Variants in MLX observed in about 807,000 individuals in gnomAD.
The protein encoded by MLX is MAX dimerization protein MLX, also known as max-like protein X.
In MLX, 15 loss-of-function variants were observed where a neutral mutation model predicts 33.0. The ratio of observed to expected loss-of-function variants is 0.45; its 90% CI spans 0.30 to 0.70. MLX has a LOEUF of 0.70. Ranked by LOEUF, MLX falls within the 30% of genes least tolerant of loss-of-function variation. The probability of loss-of-function intolerance (pLI) is 0.07; values close to 1 mark genes in which losing one functional copy is unlikely to be tolerated. For synonymous variants in MLX, 115 were observed against 115.6 expected (o/e 0.99, Z 0.03); for missense variants, 285 against 306.3 (o/e 0.93, Z 0.52).
intron 7 of MLX, among the ~76,000 whole-genome samples, chr17:42,571,297 C>T (rs560862314): frequency 1.3e-5 from 2 of 152,172 alleles, no homozygotes; most frequent in East Asian, 3.9e-4. Flanking sequence ...GCCACCACAC[C>T]TAATTTTTGT....
In MLX at chr17:42,567,171, G is replaced by A; in HGVS notation, c.42+5G>A. 1 of 1,295,406 alleles carries A rather than the reference G, an allele frequency of 7.7e-7. No individual in the cohort carries two copies. Among genetic ancestry groups the A allele is most frequent in the Non-Finnish European group, 9.8e-7 (1 of 1,020,792 alleles). The allele number at this position is 1,295,406 out of a possible 1,614,324, so 80.2% of individuals were successfully genotyped here. ...CCCGAGGACCCTTGGGTCAAGGCAA[G>A]CCCCGTGGGCGCGCACGCCGGCGAG... On this transcript the variant is annotated splice_donor_5th_base_variant and intron_variant, in intron 1 of 7. Transcript: ENST00000435881.
intron 7 of MLX, among the ~76,000 whole-genome samples, chr17:42,570,876 C>A (rs573118535): frequency 2.6e-4 from 39 of 152,004 alleles, no homozygotes; most frequent in African/African-American, 9.4e-4. Context: ...AGGATGGTCT[C>A]GATCTCCTGA....
Position 42,572,853 on chromosome 17 carries a change from A to T in MLX, c.*1250A>T. On this transcript the variant is annotated 3_prime_UTR_variant, in exon 8 of 8. Transcript: ENST00000435881. ...TGCTTGTCTCCTGACTGCTCTGCTT[A>T]AAGGTGAAAGTAGCAGGAACAACAA... 1.6e-6 allele frequency: 2 copies of T among 1,253,482 alleles called. No homozygotes were observed. Among genetic ancestry groups the T allele is most frequent in the Non-Finnish European group, 2.3e-6 (2 of 860,780 alleles). The allele number at this position is 1,253,482 out of a possible 1,614,324, so 77.6% of individuals were successfully genotyped here.
chr17:42,570,070 C>G lies in MLX; in HGVS notation c.565C>G (p.Gln189Glu), dbSNP rs761350836. 4.3e-6 allele frequency: 7 copies of G among 1,614,064 alleles called. No homozygotes were observed. Among genetic ancestry groups the G allele is most frequent in the Admixed American group, 1.7e-5 (1 of 60,000 alleles). ...TGACCAGGTCAAGTTCAACGTGTTT[C>G]AAGGCATCATGGATTCCCTGTTCCA... ...VSDQVKFNVF[Q>E]GIMDSLFQSF... The change falls in exon 7 of 8, where the codon CAA (glutamine) becomes GAA (glutamate). Residue 189 changes from glutamine (Q) to glutamate (E), a missense_variant. By Grantham distance (29) the Gln-to-Glu change is conservative. Coordinates refer to ENST00000435881, the MANE Select transcript of MLX (RefSeq NM_198204.2).
Position 42,569,616 on chromosome 17 carries a change from G to A in MLX, c.476+10G>A. 6.2e-7 allele frequency: 1 copy of A among 1,607,862 alleles called. No individual in the cohort carries two copies. ...TAAAGATCATGAAAGTGTAAGAGGG[G>A]TGCTGAATGGGGGGAACCAGAACTT... On this transcript the variant is annotated intron_variant, in intron 6 of 7. Transcript: ENST00000435881.
In MLX at chr17:42,572,825, T is replaced by G. The variant is rs2093042871; in HGVS notation, c.*1222T>G. The stretch of plus-strand genomic sequence containing the variant: ...CATCCTCTCTACCCAGTGCTCTGGT[T>G]TATGCTTGTCTCCTGACTGCTCTGC... On this transcript the variant is annotated 3_prime_UTR_variant, in exon 8 of 8. Transcript: ENST00000435881. The G allele has an allele frequency of 4.0e-6, 4 of 1,001,050 alleles. No individual in the cohort carries two copies. The East Asian group carries it at 1.0e-4, about 25-fold the overall frequency. 62.0% of individuals were successfully genotyped at this position (1,001,050 alleles called of 1,614,324 possible).
intron 6 of MLX, 94 bp from the exon 7 acceptor site, chr17:42,569,888 C>A: frequency 8.2e-7 from 1 of 1,219,158 alleles, no homozygotes; most frequent in Non-Finnish European, 1.2e-6. Flanking sequence ...CTCTCTGGGG[C>A]TGCCATTCCT....
intron 5 of MLX, 58 bp downstream of exon 5, chr17:42,569,361 G>A: frequency 6.4e-7 from 1 of 1,562,002 alleles, no homozygotes; most frequent in South Asian, 1.1e-5. Context: ...GAAGAGGCCA[G>A]TGCCTCCTAC....
chr17:42,568,763 C>A (rs2093019276), intron 3 of MLX, 74 bp from the exon 4 acceptor site: 6 of 1,346,674 alleles, frequency 4.5e-6, no homozygotes, highest in Admixed American at 1.9e-5. Flanking sequence ...TTCTTCCCAG[C>A]TGGGGAAAGG....
rs527728161 is a variant in MLX, at chr17:42,571,756, C to A, written c.*153C>A. ...TTGGTTTTTCCCAGCCCCATTTTAT[C>A]TTCAGCGGAGCCGCGGTGTTTGTTT... On this transcript the variant is annotated 3_prime_UTR_variant, in exon 8 of 8. Coordinates refer to ENST00000435881, the MANE Select transcript of MLX (RefSeq NM_198204.2). 3 of 721,446 alleles carry A rather than the reference C, an allele frequency of 4.2e-6. No homozygotes were observed. Among genetic ancestry groups the A allele is most frequent in the South Asian group, 1.6e-5 (1 of 62,946 alleles). 44.7% of individuals were successfully genotyped at this position (721,446 alleles called of 1,614,324 possible). A position where few individuals can be genotyped will look rare whatever the true frequency, so the allele number is the denominator to read the frequency against.
chr17:42,568,385 G>T, intron 2 of MLX, 85 bp from the exon 3 acceptor site: 2 of 875,992 alleles, frequency 2.3e-6, no homozygotes, highest in South Asian at 1.5e-5. Flanking sequence ...ATAAATAAAA[G>T]AAAGCCATTG....
At chr17:42,567,543 G>A (rs545698762) in intron 1 of MLX, 76 bp from the exon 2 acceptor site, 3 of 1,606,610 alleles carry the variant, frequency 1.9e-6, no homozygotes, top group South Asian at 1.1e-5. Flanking sequence ...GGCGCGCTGT[G>A]CGTGCCTGCA....
chr17:42,572,590 A>G lies in MLX; in HGVS notation c.*987A>G, dbSNP rs2093040505. ...TTTTATAGCAACCTCTCTCTACCCTAGTTCTCCAAATTCACTTCTGCCTTC... is the reference window on the plus strand; with the variant it reads ...TTTTATAGCAACCTCTCTCTACCCTGGTTCTCCAAATTCACTTCTGCCTTC... On this transcript the variant is annotated 3_prime_UTR_variant, in exon 8 of 8. Transcript: ENST00000435881. 2.2e-6 allele frequency: 1 copy of G among 452,826 alleles called. No homozygotes were observed. 28.1% of individuals were successfully genotyped at this position (452,826 alleles called of 1,614,324 possible).
At chr17:42,567,693 T>C (rs1463434495) in intron 2 of MLX, 38 bp downstream of exon 2, 7 of 1,613,456 alleles carry the variant, frequency 4.3e-6, no homozygotes, top group Non-Finnish European at 5.9e-6. Flanking sequence ...AGAGGGACAC[T>C]CCCGCCCAGG....
At chr17:42,569,373 C>T in intron 5 of MLX, 70 bp downstream of exon 5, 1 of 1,539,760 alleles carries the variant, frequency 6.5e-7, no homozygotes, top group Non-Finnish European at 9.0e-7. Context: ...GCCTCCTACC[C>T]ACCCATGGCT....
Position 42,572,700 on chromosome 17 carries a change from A to G in MLX, c.*1097A>G, listed in dbSNP as rs1186402158. 3 of 536,260 alleles carry G rather than the reference A, an allele frequency of 5.6e-6. No individual in the cohort carries two copies. The highest frequency in any genetic ancestry group is 7.1e-6 in the Non-Finnish European group (2 of 283,144). The allele number at this position is 536,260 out of a possible 1,614,324, so 33.2% of individuals were successfully genotyped here. The stretch of plus-strand genomic sequence containing the variant: ...AATTAAATTATAATAAATATTGCCA[A>G]ATGCTTTCCTTTAGCATTGTTCCAA... On this transcript the variant is annotated 3_prime_UTR_variant, in exon 8 of 8. Coordinates refer to ENST00000435881, the MANE Select transcript of MLX (RefSeq NM_198204.2).
At chr17:42,569,786 CT>C in intron 6 of MLX, 180 bp downstream of exon 6, 1 of 714,704 alleles carries the variant, frequency 1.4e-6, no homozygotes. Context: ...CAGGAAATGC[CT>C]GTTGGATTAA....
At position 42,572,227 on chromosome 17, in the gene MLX, C is replaced by T; in HGVS notation, c.*624C>T. On this transcript the variant is annotated 3_prime_UTR_variant, in exon 8 of 8. Transcript: ENST00000435881. ...TCACCCCATATTCCATCACCTTCCT[C>T]CTCTGCTCTGGGTGGTAAGGGAAGC... 2.6e-6 allele frequency: 1 copy of T among 381,726 alleles called. No homozygotes were observed. The highest frequency in any genetic ancestry group is 2.0e-5 in the South Asian group (1 of 50,648). The allele number at this position is 381,726 out of a possible 1,614,324, so 23.6% of individuals were successfully genotyped here.
Position 42,572,710 on chromosome 17 carries a change from T to A in MLX, c.*1107T>A. The stretch of plus-strand genomic sequence containing the variant: ...TAATAAATATTGCCAAATGCTTTCC[T>A]TTAGCATTGTTCCAAGTCTAAATGT... On this transcript the variant is annotated 3_prime_UTR_variant, in exon 8 of 8. Transcript: ENST00000435881. The A allele has an allele frequency of 1.7e-6, 1 of 583,976 alleles. No individual in the cohort carries two copies. The highest frequency in any genetic ancestry group is 3.2e-6 in the Non-Finnish European group (1 of 312,212). 36.2% of individuals were successfully genotyped at this position (583,976 alleles called of 1,614,324 possible). A position where few individuals can be genotyped will look rare whatever the true frequency, so the allele number is the denominator to read the frequency against.
Sources: gnomAD v4.1 joint callset for allele counts (sites outside exome capture counted in the v4.1 genomes callset) on GRCh38, gnomAD v4.1.1 for gene constraint, MANE v1.5 for transcripts, NCBI Gene and HGNC (gene_info 2026-07-23, HGNC 2026-07-21) for gene names.